Variants in WDFY4 observed in about 807,000 individuals in gnomAD.
WDFY4 encodes the protein WD repeat- and FYVE domain-containing protein 4.
WDFY4 carries 169 observed loss-of-function variants against 351.9 expected under a neutral mutation model. The ratio of observed to expected loss-of-function variants is 0.48; its 90% CI spans 0.42 to 0.55. WDFY4 has a LOEUF of 0.55. WDFY4 is among the 20% of genes least tolerant of loss of function. The probability of loss-of-function intolerance (pLI) is 0.00; values close to 1 mark genes in which losing one functional copy is unlikely to be tolerated. For missense variants in WDFY4, 3,803 were observed against 3,935.6 expected (o/e 0.97, Z 0.90); for synonymous variants, 1,622 against 1,574.6 (o/e 1.03, Z -0.71).
chr10:48,774,702 A>T (rs1247071591), intron 14 of WDFY4, 30 bp downstream of exon 14: 1 of 1,550,778 alleles, frequency 6.4e-7, no homozygotes, highest in East Asian at 2.4e-5. Context: ...CAGTGCCGCC[A>T]AGCTGGGCAG....
chr10:48,929,733 T>A (rs1474247993), intron 47 of WDFY4, among the ~76,000 whole-genome samples: 1 of 152,170 alleles, frequency 6.6e-6, no homozygotes, highest in Admixed American at 6.5e-5. Context: ...ATGATAAGCA[T>A]CTCAAACCCT....
intron 6 of WDFY4, 26 bp downstream of exon 6, chr10:48,726,096 G>T (rs1239224247): frequency 6.5e-7 from 1 of 1,526,764 alleles, no homozygotes; most frequent in East Asian, 2.5e-5. Flanking sequence ...TTAGATGTGG[G>T]CTGTGGGCCA....
intron 18 of WDFY4, among the ~76,000 whole-genome samples, chr10:48,779,057 C>T (rs557812295): frequency 1.5e-3 from 229 of 152,308 alleles, no homozygotes; most frequent in African/African-American, 5.2e-3. Flanking sequence ...AGATGAGGCC[C>T]CAGCCCTTGG....
chr10:48,859,534 G>A (rs368224222), intron 39 of WDFY4, among the ~76,000 whole-genome samples: 5 of 152,198 alleles, frequency 3.3e-5, no homozygotes, highest in South Asian at 4.2e-4. Flanking sequence ...TTACTTTTTG[G>A]ATATTTGTCA....
chr10:48,821,266 A>C, intron 34 of WDFY4, 90 bp downstream of exon 34: 1 of 1,040,484 alleles, frequency 9.6e-7, no homozygotes. Flanking sequence ...AACTGACCCT[A>C]GCTGTGGGAT....
intron 40 of WDFY4, among the ~76,000 whole-genome samples, chr10:48,870,369 C>A (rs1589783806): frequency 1.3e-5 from 2 of 150,740 alleles, no homozygotes; most frequent in Admixed American, 1.3e-4. Context: ...GACCCCAACT[C>A]AAAAAAAAGT....
chr10:48,848,984 T>C (rs908799754), intron 39 of WDFY4, among the ~76,000 whole-genome samples: 5 of 152,172 alleles, frequency 3.3e-5, no homozygotes, highest in African/African-American at 1.2e-4. Context: ...CAATGAGAAC[T>C]TGGGATCTCT....
intron 39 of WDFY4, among the ~76,000 whole-genome samples, chr10:48,848,663 C>A (rs1390040508): frequency 6.6e-6 from 1 of 152,130 alleles, no homozygotes. Context: ...TCACTGCCTC[C>A]ACTTGGGAAG....
intron 24 of WDFY4, among the ~76,000 whole-genome samples, chr10:48,797,037 G>A (rs2066899596): frequency 6.6e-6 from 1 of 152,194 alleles, no homozygotes; most frequent in Admixed American, 6.5e-5. Flanking sequence ...AGATGGGACT[G>A]GGACATAGCC....
chr10:48,721,244 G>T lies in WDFY4; in HGVS notation c.350-17G>T. ...GGGCAGGTCGCTGTATGCCCTGCTG[G>T]TGACACTTTCTTCCAGAGCAAGCTC... On this transcript the variant is annotated splice_polypyrimidine_tract_variant and intron_variant, in intron 3 of 61. Transcript: ENST00000325239. The T allele has an allele frequency of 6.4e-7, 1 of 1,551,378 alleles. No individual in the cohort carries two copies. The highest frequency in any genetic ancestry group is 8.7e-7 in the Non-Finnish European group (1 of 1,146,718).
At chr10:48,957,308 G>T (rs931986862) in intron 52 of WDFY4, 26 bp downstream of exon 52, 20 of 1,544,386 alleles carry the variant, frequency 1.3e-5, no homozygotes, top group Non-Finnish European at 1.6e-5. Context: ...GTGAGGCCGG[G>T]TGAGTGGCGT....
intron 11 of WDFY4, among the ~76,000 whole-genome samples, chr10:48,741,006 T>G (rs571266685): frequency 1.3e-4 from 20 of 152,344 alleles, no homozygotes; most frequent in Non-Finnish European, 2.5e-4. Flanking sequence ...ACTTTGGTCT[T>G]TCATAGATTC....
At chr10:48,777,835 C>G (rs990798651) in intron 17 of WDFY4, among the ~76,000 whole-genome samples, 1 of 152,236 alleles carries the variant, frequency 6.6e-6, no homozygotes, top group Admixed American at 6.5e-5. Context: ...TCTTTTAGAG[C>G]AAGATGTTCT....
chr10:48,723,243 A>T (rs887293274), intron 4 of WDFY4, among the ~76,000 whole-genome samples, 190 bp from the exon 5 acceptor site: 1 of 145,824 alleles, frequency 6.9e-6, no homozygotes, highest in Non-Finnish European at 1.5e-5. Flanking sequence ...TAAGCACTTT[A>T]TATAAACTTA....
chr10:48,730,220 G>A, intron 8 of WDFY4, among the ~76,000 whole-genome samples: 1 of 152,232 alleles, frequency 6.6e-6, no homozygotes, highest in Non-Finnish European at 1.5e-5. Context: ...AAGTTTAAAG[G>A]CAGAAATGAC....
At chr10:48,721,406 T>C (rs748670351) in intron 4 of WDFY4, 39 bp downstream of exon 4, 1 of 1,533,312 alleles carries the variant, frequency 6.5e-7, no homozygotes, top group Non-Finnish European at 8.8e-7. Context: ...TGGGCACTGC[T>C]CATCTAGGTG....
At chr10:48,911,009 A>T (rs1913517) in intron 47 of WDFY4, 1 of 584,288 alleles carries the variant, frequency 1.7e-6, no homozygotes, top group Non-Finnish European at 2.2e-6. Context: ...ATGGAAAGTC[A>T]TCATGTAGCT....
At chr10:48,734,624 T>A (rs1478861205) in intron 10 of WDFY4, among the ~76,000 whole-genome samples, 1 of 151,988 alleles carries the variant, frequency 6.6e-6, no homozygotes, top group African/African-American at 2.4e-5. Context: ...AGAGTAACTA[T>A]ACCTAATGTA....
At chr10:48,723,943 G>A (rs1367325374) in intron 5 of WDFY4, among the ~76,000 whole-genome samples, 1 of 151,860 alleles carries the variant, frequency 6.6e-6, no homozygotes, top group African/African-American at 2.4e-5. Flanking sequence ...GGCTGGGATT[G>A]GCACCCTTGA....
Sources: gnomAD v4.1 joint callset for allele counts (sites outside exome capture counted in the v4.1 genomes callset) on GRCh38, gnomAD v4.1.1 for gene constraint, MANE v1.5 for transcripts, NCBI Gene and HGNC (gene_info 2026-07-23, HGNC 2026-07-21) for gene names.